The following ARMC9 variants were observed in gnomAD, a reference collection of about 807,000 sequenced individuals.
ARMC9 encodes armadillo repeat containing 9, also known as lisH domain-containing protein ARMC9.
In ARMC9, 94 loss-of-function variants were observed where a neutral mutation model predicts 107.0. The ratio of observed to expected loss-of-function variants is 0.88; its 90% CI spans 0.74 to 1.04. The LOEUF (loss-of-function observed/expected upper bound fraction) is 1.04. Among genes scored for constraint, ARMC9 ranks in the 50% least tolerant of loss-of-function variants. The pLI is 0.00. For synonymous variants in ARMC9, 380 were observed against 396.9 expected (o/e 0.96, Z 0.51); for missense variants, 942 against 1,030.1 (o/e 0.91, Z 1.17).
intron 2 of ARMC9, 96 bp from the exon 3 acceptor site, chr2:231,208,031 C>A: frequency 1.6e-6 from 1 of 622,722 alleles, no homozygotes; most frequent in Non-Finnish European, 2.8e-6. Context: ...TTTTTAATGT[C>A]TTCTTTGGAT....
intron 19 of ARMC9, among the ~76,000 whole-genome samples, chr2:231,329,473 C>T (rs2043572737): frequency 6.6e-6 from 1 of 152,102 alleles, no homozygotes; most frequent in Non-Finnish European, 1.5e-5. Context: ...CCACGCCCAG[C>T]TAATTTTGTA....
intron 21 of ARMC9, among the ~76,000 whole-genome samples, chr2:231,354,832 C>A (rs1028800119): frequency 1.3e-5 from 2 of 152,238 alleles, no homozygotes; most frequent in African/African-American, 4.8e-5. Flanking sequence ...CGTTGCCTTA[C>A]AGATAACTGG....
chr2:231,325,906 T>C (rs2043287780), intron 19 of ARMC9, among the ~76,000 whole-genome samples: 1 of 151,976 alleles, frequency 6.6e-6, no homozygotes, highest in African/African-American at 2.4e-5. Context: ...AGGGCATGAG[T>C]CCCAACTAGA....
chr2:231,233,134 A>C (rs2035396276), intron 7 of ARMC9, among the ~76,000 whole-genome samples: 1 of 152,250 alleles, frequency 6.6e-6, no homozygotes, highest in Non-Finnish European at 1.5e-5. Context: ...TACAGGCGTG[A>C]GCCACCGCAC....
intron 14 of ARMC9, 117 bp downstream of exon 14, chr2:231,273,195 A>T: frequency 7.4e-7 from 1 of 1,352,334 alleles, no homozygotes; most frequent in South Asian, 1.4e-5. Flanking sequence ...AGGTTGGATG[A>T]CTTTCTAAGA....
chr2:231,300,520 C>G (rs62197352), intron 19 of ARMC9, among the ~76,000 whole-genome samples: 38,962 of 152,134 alleles, frequency 0.26, 5,314 homozygotes, highest in Non-Finnish European at 0.29. Context: ...AGGCACTGTT[C>G]TAGGCGCCTT....
intron 19 of ARMC9, among the ~76,000 whole-genome samples, chr2:231,300,940 G>C (rs2041683551): frequency 6.6e-6 from 1 of 151,994 alleles, no homozygotes; most frequent in Non-Finnish European, 1.5e-5. Context: ...TCCTCTGGGG[G>C]AGACAGCACA....
intron 23 of ARMC9, among the ~76,000 whole-genome samples, chr2:231,368,747 C>G (rs2045907379): frequency 6.6e-6 from 1 of 152,124 alleles, no homozygotes; most frequent in South Asian, 2.1e-4. Context: ...GCCTAGCCTC[C>G]CAAGTAGCTG....
At chr2:231,217,849 C>T (rs2033688614) in intron 5 of ARMC9, among the ~76,000 whole-genome samples, 1 of 152,130 alleles carries the variant, frequency 6.6e-6, no homozygotes, top group Non-Finnish European at 1.5e-5. Context: ...CGCACCAGCA[C>T]ACCTGGCTAA....
At chr2:231,207,043 C>T (rs1400242730) in intron 2 of ARMC9, among the ~76,000 whole-genome samples, 3 of 152,160 alleles carry the variant, frequency 2.0e-5, no homozygotes, top group African/African-American at 4.8e-5. Context: ...CTTGTTCTGC[C>T]GCCTAGGCTG....
chr2:231,337,453 C>T (rs1264210685), intron 20 of ARMC9, among the ~76,000 whole-genome samples: 4 of 146,340 alleles, frequency 2.7e-5, no homozygotes, highest in African/African-American at 1.0e-4. Flanking sequence ...CGCGCCACCA[C>T]GCCCGGCTAA....
chr2:231,203,820 C>T lies in ARMC9; in HGVS notation c.-41-2378C>T, dbSNP rs566243287. Among the ~76,000 whole-genome samples, 4 of 152,246 alleles carry T rather than the reference C, an allele frequency of 2.6e-5. No individual in the cohort carries two copies. In the South Asian group the frequency reaches 8.3e-4, roughly 32 times the overall value. On this transcript the variant is annotated intron_variant, in intron 1 of 24. Coordinates refer to ENST00000611582, the MANE Select transcript of ARMC9 (RefSeq NM_001352754.2). ...ACTAAAAATACAAAAATTAGCTAGGCATGGTGGCGGGTGCCTGTAATCCCA... is the reference window on the plus strand; with the variant it reads ...ACTAAAAATACAAAAATTAGCTAGGTATGGTGGCGGGTGCCTGTAATCCCA...
chr2:231,229,696 A>G (rs780776754), intron 7 of ARMC9, among the ~76,000 whole-genome samples: 5 of 152,222 alleles, frequency 3.3e-5, no homozygotes, highest in Admixed American at 6.5e-5. Context: ...TTCATCCAGT[A>G]TCTGTGGATT....
intron 22 of ARMC9, among the ~76,000 whole-genome samples, chr2:231,356,671 G>A (rs1193061362): frequency 6.6e-6 from 1 of 152,184 alleles, no homozygotes; most frequent in African/African-American, 2.4e-5. Context: ...AGTCAGCACT[G>A]GCTGGGTTAT....
At chr2:231,346,257 C>T (rs947023369) in intron 21 of ARMC9, among the ~76,000 whole-genome samples, 3 of 152,170 alleles carry the variant, frequency 2.0e-5, no homozygotes, top group African/African-American at 7.2e-5. Context: ...CGTGGTGGCT[C>T]ACACCTGTAA....
chr2:231,213,377 T>A (rs535700457), intron 3 of ARMC9, among the ~76,000 whole-genome samples: 59 of 152,056 alleles, frequency 3.9e-4, no homozygotes, highest in African/African-American at 1.3e-3. Context: ...TTGTCCAGGC[T>A]CGTCTTGAGC....
intron 19 of ARMC9, among the ~76,000 whole-genome samples, chr2:231,298,783 A>G (rs2125488415): frequency 6.6e-6 from 1 of 152,266 alleles, no homozygotes; most frequent in Non-Finnish European, 1.5e-5. Context: ...AAATACAAAA[A>G]TTAGCTGGTT....
intron 19 of ARMC9, among the ~76,000 whole-genome samples, chr2:231,299,343 G>A (rs2041578418): frequency 6.6e-6 from 1 of 152,244 alleles, no homozygotes; most frequent in Non-Finnish European, 1.5e-5. Context: ...ATGTGCCTAT[G>A]TAGCGGAAAG....
Position 231,240,006 on chromosome 2 carries a change from C to A in ARMC9, c.844C>A (p.Leu282Met), listed in dbSNP as rs1463665998. 4 of 1,613,926 alleles carry A rather than the reference C, an allele frequency of 2.5e-6. No individual in the cohort carries two copies. In the South Asian group the frequency reaches 4.4e-5, roughly 18 times the overall value. The part of the protein sequence containing the change: ...RLFSNQMRQS[L>M]AHSVDFTRPG... The stretch of plus-strand genomic sequence containing the variant: ...GTTCAGTAACCAGATGCGGCAGAGC[C>A]TGGCGCATAGTGTGGACTTCACGAG... Residue 282 changes from leucine (L) to methionine (M), a missense_variant, in exon 9 of 25, where the codon CTG becomes ATG. Leu to Met is a conservative substitution (Grantham distance 15). Coordinates refer to ENST00000611582, the MANE Select transcript of ARMC9 (RefSeq NM_001352754.2).
Sources: allele counts gnomAD v4.1 joint callset (sites outside exome capture counted in the v4.1 genomes callset), GRCh38; gene constraint gnomAD v4.1.1; transcripts MANE v1.5; gene names NCBI Gene and HGNC (gene_info 2026-07-23, HGNC 2026-07-21).